Variants in ADAMTS12 observed in about 807,000 individuals in gnomAD.
The protein encoded by ADAMTS12 is A disintegrin and metalloproteinase with thrombospondin motifs 12.
Under a neutral mutation model 167.8 loss-of-function variants are expected in ADAMTS12, and 118 were observed. The observed-to-expected ratio is 0.70, with a 90% CI of 0.61 to 0.82. The LOEUF is 0.82. Among genes scored for constraint, ADAMTS12 ranks in the 40% least tolerant of loss-of-function variants. The probability of loss-of-function intolerance (pLI) is 0.00; values close to 1 mark genes in which losing one functional copy is unlikely to be tolerated. For missense variants in ADAMTS12, 1,916 were observed against 1,998.8 expected (o/e 0.96, Z 0.79); for synonymous variants, 704 against 716.9 (o/e 0.98, Z 0.29).
At chr5:33,834,165 T>C (rs1234154748) in intron 2 of ADAMTS12, among the ~76,000 whole-genome samples, 3 of 152,162 alleles carry the variant, frequency 2.0e-5, no homozygotes, top group Non-Finnish European at 2.9e-5. Context: ...CATATTGGAT[T>C]AAGGTCTGAT....
At chr5:33,807,889 T>C (rs1027673680) in intron 2 of ADAMTS12, among the ~76,000 whole-genome samples, 2 of 151,318 alleles carry the variant, frequency 1.3e-5, no homozygotes, top group African/African-American at 2.5e-5. Flanking sequence ...GGAGCTGGGA[T>C]GCAGCTAGTA....
rs762161088 is a variant in ADAMTS12 at position 33,615,841 on chromosome 5, G to C, written c.2375C>G (p.Ser792Cys). ...TTTCTGCATTACCTGGATCCACACAGACTCATTGGTGGGACCTGTGGCCAT... is the reference window on the plus strand; with the variant it reads ...TTTCTGCATTACCTGGATCCACACACACTCATTGGTGGGACCTGTGGCCAT... The part of the protein sequence containing the change: ...KLMATGPTNE[S>C]VWIQLLFQVT... Residue 792 changes from serine to cysteine, a missense_variant, in exon 15 of 24, where the codon TCT (serine) becomes TGT (cysteine). Ser to Cys is a moderately radical substitution (Grantham distance 112). Transcript: ENST00000504830. 6.2e-7 allele frequency: 1 copy of C among 1,614,102 alleles called. No individual in the cohort carries two copies. The highest frequency in any genetic ancestry group is 8.5e-7 in the Non-Finnish European group (1 of 1,179,988).
chr5:33,719,796 G>A (rs1044539681), intron 3 of ADAMTS12, among the ~76,000 whole-genome samples: 1 of 152,184 alleles, frequency 6.6e-6, no homozygotes, highest in Non-Finnish European at 1.5e-5. Flanking sequence ...TCTTAAAAGC[G>A]AAGTTACTAT....
intron 22 of ADAMTS12, among the ~76,000 whole-genome samples, chr5:33,536,461 G>A (rs2111761579): frequency 6.6e-6 from 1 of 151,944 alleles, no homozygotes; most frequent in South Asian, 2.1e-4. Flanking sequence ...GCTCTTGTCT[G>A]CTGCCCCCAT....
chr5:33,629,141 C>T (rs1438015059), intron 13 of ADAMTS12, among the ~76,000 whole-genome samples: 1 of 152,110 alleles, frequency 6.6e-6, no homozygotes, highest in African/African-American at 2.4e-5. Flanking sequence ...GGGCTGAGGA[C>T]TTTAGTCACT....
chr5:33,887,756 CTT>C (rs533866175), intron 1 of ADAMTS12, among the ~76,000 whole-genome samples: 4 of 144,566 alleles, frequency 2.8e-5, no homozygotes, highest in African/African-American at 5.0e-5. Flanking sequence ...AGTAGTTATT[CTT>C]TTTTTTTTTT....
intron 22 of ADAMTS12, among the ~76,000 whole-genome samples, chr5:33,543,051 T>C (rs1744787773): frequency 1.3e-5 from 2 of 152,066 alleles, no homozygotes; most frequent in Non-Finnish European, 2.9e-5. Context: ...CAACAAACCC[T>C]TCAAAAACTG....
intron 3 of ADAMTS12, among the ~76,000 whole-genome samples, chr5:33,734,215 G>C (rs187390151): frequency 6.6e-6 from 1 of 152,078 alleles, no homozygotes; most frequent in African/African-American, 2.4e-5. Flanking sequence ...TCTCCTGTTC[G>C]CAGCTAGAGA....
At position 33,614,320 on chromosome 5, in the gene ADAMTS12, A is replaced by G; in HGVS notation, c.2445T>C (p.Asp815=). The change falls in exon 16 of 24, where the codon GAT becomes GAC. Residue 815 remains aspartate (D), a synonymous_variant. Coordinates refer to ENST00000504830, the MANE Select transcript of ADAMTS12 (RefSeq NM_030955.4). Reference sequence around the variant, plus strand: ...GCTGCTCAACATCATTGTCAAGGCCATCTTTCTGGATTGTGTACTCATACT... The same window carrying G: ...GCTGCTCAACATCATTGTCAAGGCCGTCTTTCTGGATTGTGTACTCATACT... ...GIKYEYTIQK[D]GLDNDVEQQM... is the part of the protein sequence containing the mutation. 1 of 1,614,134 alleles carries G rather than the reference A, an allele frequency of 6.2e-7. No homozygotes were observed. Among genetic ancestry groups the G allele is most frequent in the Non-Finnish European group, 8.5e-7 (1 of 1,179,998 alleles).
At chr5:33,754,167 T>C (rs1005680329) in intron 2 of ADAMTS12, among the ~76,000 whole-genome samples, 1 of 152,170 alleles carries the variant, frequency 6.6e-6, no homozygotes, top group Non-Finnish European at 1.5e-5. Context: ...AAATCACCCG[T>C]GGTTTGCTTT....
In ADAMTS12 at chr5:33,891,919, C is replaced by G; in HGVS notation, c.-63G>C. ...TTAGCCCTCAGCTCCAGAAATAAAG[C>G]GCTCGCCTGTGGCCCAGCAGGAAGA... is the stretch of plus-strand genomic sequence containing the variant. On this transcript the variant is annotated 5_prime_UTR_variant, in exon 1 of 24. Coordinates refer to ENST00000504830, the MANE Select transcript of ADAMTS12 (RefSeq NM_030955.4). 6.3e-7 allele frequency: 1 copy of G among 1,580,408 alleles called. No individual in the cohort carries two copies.
chr5:33,718,875 T>C (rs1366873836), intron 3 of ADAMTS12, among the ~76,000 whole-genome samples: 1 of 152,140 alleles, frequency 6.6e-6, no homozygotes, highest in Non-Finnish European at 1.5e-5. Context: ...TGGTTTATGA[T>C]TGGCTTGAAC....
rs1579651519 is a variant in ADAMTS12 at position 33,549,463 on chromosome 5, G to A, written c.4126-80C>T. On this transcript the variant is annotated intron_variant, in intron 20 of 23. Transcript: ENST00000504830. ...CTTCCTTCCCCTCAGCCGTGGAGGC[G>A]CCAGGCATTCAGTCATAAAGAGGGG... The A allele has an allele frequency of 8.7e-6, 13 of 1,499,560 alleles. No individual in the cohort carries two copies. The East Asian group carries it at 1.1e-4, about 13-fold the overall frequency. 92.9% of individuals were successfully genotyped at this position (1,499,560 alleles called of 1,614,324 possible). A position where few individuals can be genotyped will look rare whatever the true frequency, so the allele number is the denominator to read the frequency against.
intron 3 of ADAMTS12, among the ~76,000 whole-genome samples, chr5:33,700,754 G>A (rs1360621787): frequency 1.3e-5 from 2 of 152,196 alleles, no homozygotes; most frequent in Non-Finnish European, 2.9e-5. Flanking sequence ...TTGTGATATT[G>A]TACTGTTGTT....
At chr5:33,623,224 A>T (rs1299168156) in intron 14 of ADAMTS12, among the ~76,000 whole-genome samples, 1 of 152,166 alleles carries the variant, frequency 6.6e-6, no homozygotes, top group Admixed American at 6.5e-5. Flanking sequence ...TGTCCTGGGC[A>T]TCAACCCTGT....
intron 2 of ADAMTS12, among the ~76,000 whole-genome samples, chr5:33,784,233 T>C (rs898078708): frequency 6.6e-6 from 1 of 151,882 alleles, no homozygotes; most frequent in African/African-American, 2.4e-5. Context: ...GTTTAAAAAG[T>C]GTCTACAGCT....
In ADAMTS12 at chr5:33,683,074, T is replaced by C. The variant is rs754297398; in HGVS notation, c.859A>G (p.Ile287Val). 8.1e-6 allele frequency: 13 copies of C among 1,613,462 alleles called. No individual in the cohort carries two copies. Among genetic ancestry groups the C allele is most frequent in the Non-Finnish European group, 1.0e-5 (12 of 1,179,802 alleles). Reference sequence around the variant, plus strand: ...ACAACAATGTGAATTGCATTGCCAATGCTTGGGTTATGGAACAACCCAGTG... The same window carrying C: ...ACAACAATGTGAATTGCATTGCCAACGCTTGGGTTATGGAACAACCCAGTG... ...MVTGLFHNPS[I>V]GNAIHIVVVR... Residue 287 changes from isoleucine (I) to valine (V), a missense_variant, in exon 5 of 24, where the codon ATT becomes GTT. Ile to Val is a conservative substitution (Grantham distance 29). Transcript: ENST00000504830.
intron 2 of ADAMTS12, among the ~76,000 whole-genome samples, chr5:33,774,207 T>G (rs1449685345): frequency 6.6e-6 from 1 of 152,146 alleles, no homozygotes. Flanking sequence ...AGCTTCTCTA[T>G]CAGAACCCTA....
intron 20 of ADAMTS12, among the ~76,000 whole-genome samples, chr5:33,559,332 C>T (rs1234155324): frequency 6.6e-6 from 1 of 152,262 alleles, no homozygotes; most frequent in East Asian, 1.9e-4. Context: ...CAGCTCACAC[C>T]TCTGTACTCT....
Sources: allele counts gnomAD v4.1 joint callset (sites outside exome capture counted in the v4.1 genomes callset), GRCh38; gene constraint gnomAD v4.1.1; transcripts MANE v1.5; gene names NCBI Gene and HGNC (gene_info 2026-07-23, HGNC 2026-07-21).